MSI2: variants seen among roughly 807,000 people sequenced by gnomAD.
The protein encoded by MSI2 is RNA-binding protein Musashi homolog 2.
Under a neutral mutation model 45.6 loss-of-function variants are expected in MSI2, and 17 were observed. That is an observed-to-expected ratio of 0.37 (90% CI 0.26 to 0.56). MSI2 has a LOEUF of 0.56. Among genes scored for constraint, MSI2 ranks in the 20% least tolerant of loss-of-function variants. MSI2 has a pLI of 0.77. For missense variants in MSI2, 293 were observed against 444.2 expected, an observed-to-expected ratio of 0.66 and a Z score of 3.06; for synonymous variants, 156 against 158.2, an observed-to-expected ratio of 0.99 and a Z score of 0.11.
intron 5 of MSI2, among the ~76,000 whole-genome samples, chr17:57,336,214 T>C (rs1362465367): frequency 6.6e-6 from 1 of 152,158 alleles, no homozygotes; most frequent in African/African-American, 2.4e-5. Flanking sequence ...AGCTATGGGA[T>C]CTGCTGAAGA....
chr17:57,507,261 G>A (rs1182089973), intron 6 of MSI2, among the ~76,000 whole-genome samples: 3 of 149,982 alleles, frequency 2.0e-5, no homozygotes, highest in Admixed American at 1.3e-4. Context: ...GTGTGTGTGT[G>A]TGTGTGTGTG....
chr17:57,487,220 A>G (rs752873966), intron 6 of MSI2, among the ~76,000 whole-genome samples: 17 of 152,238 alleles, frequency 1.1e-4, no homozygotes. Context: ...CCGCAAAGAT[A>G]GTAGCAGCTT....
chr17:57,398,001 A>T (rs1011325609), intron 5 of MSI2, among the ~76,000 whole-genome samples: 6 of 152,026 alleles, frequency 3.9e-5, no homozygotes, highest in Admixed American at 6.6e-5. Flanking sequence ...ATCCTTTTTT[A>T]AAAAAAGGTG....
intron 2 of MSI2, 104 bp from the exon 3 acceptor site, chr17:57,257,362 C>A: frequency 1.3e-6 from 1 of 748,274 alleles, no homozygotes; most frequent in South Asian, 1.9e-5. Context: ...AACAGAATAA[C>A]AACAGAAAAC....
intron 7 of MSI2, among the ~76,000 whole-genome samples, chr17:57,573,529 A>G (rs1279271229): frequency 6.6e-6 from 1 of 152,190 alleles, no homozygotes; most frequent in Non-Finnish European, 1.5e-5. Flanking sequence ...TGTTGAGGTC[A>G]CCTGAGTTGC....
At chr17:57,483,984 T>C (rs921400314) in intron 6 of MSI2, among the ~76,000 whole-genome samples, 1 of 152,110 alleles carries the variant, frequency 6.6e-6, no homozygotes, top group African/African-American at 2.4e-5. Context: ...AGAATAAGTA[T>C]AAAAGGGTGG....
At chr17:57,358,199 G>GTGT (rs10534316) in intron 5 of MSI2, among the ~76,000 whole-genome samples, 1 of 34,042 alleles carries the variant, frequency 2.9e-5, no homozygotes, top group Non-Finnish European at 4.8e-5. Flanking sequence ...CTGTGTGTGT[G>GTGT]GGGGGGTGTG....
At position 57,652,709 on chromosome 17, in the gene MSI2, CT is replaced by C. The variant is rs758952200; in HGVS notation, c.790+550del. On this transcript the variant is annotated intron_variant, in intron 11 of 13. Transcript: ENST00000284073. The surrounding 1 kb of genome is among the most constrained non-coding windows in gnomAD (Gnocchi z 4.1). ...GAGCCGCTGTGCCTCCCAGACTCTT[CT>C]TAGCCAGACTCCTCAGCTCCAGCTG... Among the ~76,000 whole-genome samples the C allele has an allele frequency of 1.6e-4, 25 of 152,248 alleles. No individual in the cohort carries two copies. Among genetic ancestry groups the C allele is most frequent in the Non-Finnish European group, 2.6e-4 (18 of 68,042 alleles).
chr17:57,672,875 G>A (rs1912911519), intron 11 of MSI2, among the ~76,000 whole-genome samples: 1 of 152,230 alleles, frequency 6.6e-6, no homozygotes. Context: ...AGAGGGCCAA[G>A]TGTTATCTGC....
intron 7 of MSI2, among the ~76,000 whole-genome samples, chr17:57,573,170 T>G (rs1016129281): frequency 6.6e-6 from 1 of 152,184 alleles, no homozygotes; most frequent in Admixed American, 6.5e-5. Context: ...TCAGCATTGG[T>G]TACTAGTTAT....
At chr17:57,468,214 GCA>G (rs2085364508) in intron 6 of MSI2, among the ~76,000 whole-genome samples, 1 of 151,816 alleles carries the variant, frequency 6.6e-6, no homozygotes, top group African/African-American at 2.4e-5. Flanking sequence ...ACGAGACAAT[GCA>G]CACAGAGTCC....
intron 5 of MSI2, among the ~76,000 whole-genome samples, chr17:57,373,455 G>A (rs1289507745): frequency 9.2e-5 from 14 of 152,144 alleles, no homozygotes; most frequent in South Asian, 2.1e-4. Context: ...AACAAAGGCC[G>A]TGTGTTAGTC....
Position 57,616,027 on chromosome 17 carries a change from C to A in MSI2, c.595C>A (p.Arg199=), listed in dbSNP as rs116427514. The change falls in exon 9 of 14, where the codon CGG becomes AGG. Residue 199 remains arginine, a synonymous_variant. Coordinates refer to ENST00000284073, the MANE Select transcript of MSI2 (RefSeq NM_138962.4). ...EVMFPPGTRG[R]ARGLPYTMDA... ...CATGTTCCCACCTGGGACAAGAGGC[C>A]GGGCCCGGGGACTGCCTTACACCAT... 2.3e-4 allele frequency: 377 copies of A among 1,614,122 alleles called. 3 individuals carry two copies. In the African/African-American group the frequency reaches 4.6e-3, roughly 20 times the overall value.
intron 5 of MSI2, among the ~76,000 whole-genome samples, chr17:57,290,618 A>T (rs1018551828): frequency 1.3e-5 from 2 of 152,312 alleles, no homozygotes; most frequent in East Asian, 3.9e-4. Flanking sequence ...TGGCCTGGTT[A>T]TATTATTCTA....
chr17:57,474,403 C>T (rs2085498572), intron 6 of MSI2, among the ~76,000 whole-genome samples: 2 of 152,202 alleles, frequency 1.3e-5, no homozygotes, highest in South Asian at 2.1e-4. Flanking sequence ...AGCCAGGGCT[C>T]CTCCACCTCA....
chr17:57,333,865 T>G (rs1041662273), intron 5 of MSI2, among the ~76,000 whole-genome samples: 1 of 152,200 alleles, frequency 6.6e-6, no homozygotes, highest in Non-Finnish European at 1.5e-5. Flanking sequence ...AAAGATGAAG[T>G]ACTTTCTCTT....
At chr17:57,498,270 C>T (rs1411464984) in intron 6 of MSI2, among the ~76,000 whole-genome samples, 1 of 152,232 alleles carries the variant, frequency 6.6e-6, no homozygotes, top group East Asian at 1.9e-4. Context: ...CCCAATTATG[C>T]CAAAGCGTTC....
At chr17:57,369,298 A>G (rs1037294051) in intron 5 of MSI2, among the ~76,000 whole-genome samples, 3 of 152,192 alleles carry the variant, frequency 2.0e-5, no homozygotes, top group African/African-American at 7.2e-5. Context: ...TACACCATCT[A>G]TCAACCTACA....
At chr17:57,345,267 C>T (rs751365747) in intron 5 of MSI2, among the ~76,000 whole-genome samples, 9 of 152,124 alleles carry the variant, frequency 5.9e-5, no homozygotes, top group Non-Finnish European at 1.2e-4. Flanking sequence ...TTCCTTTTCC[C>T]TTCCCATCCT....
Sources: gnomAD v4.1 joint callset for allele counts (sites outside exome capture counted in the v4.1 genomes callset) on GRCh38, gnomAD v4.1.1 for gene constraint, Gnocchi (gnomAD v3.1) non-coding constraint, MANE v1.5 for transcripts, NCBI Gene and HGNC (gene_info 2026-07-23, HGNC 2026-07-21) for gene names.